The following SENP6 variants were observed in gnomAD, a reference collection of about 807,000 sequenced individuals.
The protein encoded by SENP6 is sentrin-specific protease 6.
A neutral mutation model predicts 134.5 loss-of-function variants in SENP6; 41 were observed. The observed-to-expected ratio is 0.30, with a 90% CI of 0.24 to 0.40. SENP6 has a LOEUF of 0.40. SENP6 is among the 10% of genes least tolerant of loss of function. The pLI, the probability that SENP6 is intolerant of heterozygous loss-of-function variation, is 1.00. For missense variants in SENP6, 1,248 were observed against 1,312.5 expected (o/e 0.95, Z 0.76); for synonymous variants, 395 against 429.8 (o/e 0.92, Z 1.00).
chr6:75,602,628 G>A (rs891440617), intron 1 of SENP6, 52 bp downstream of exon 1: 8 of 1,530,006 alleles, frequency 5.2e-6, no homozygotes, highest in Non-Finnish European at 7.1e-6. Context: ...ACTGGAAAAC[G>A]TGGCCCCCAG....
intron 3 of SENP6, among the ~76,000 whole-genome samples, chr6:75,626,227 A>G (rs980794986): frequency 3.9e-5 from 6 of 151,918 alleles, no homozygotes; most frequent in Non-Finnish European, 7.4e-5. Flanking sequence ...GGATGGTTTC[A>G]GCATCATATC....
chr6:75,710,563 T>C lies in SENP6; in HGVS notation c.2821-765T>C, dbSNP rs564560553. On this transcript the variant is annotated intron_variant, in intron 20 of 23. Transcript: ENST00000447266. ...TTTTAAGATATCTCTTGGTTTACAATGTATGGCAACTAAATATAGCTTTTC... is the reference window on the plus strand; with the variant it reads ...TTTTAAGATATCTCTTGGTTTACAACGTATGGCAACTAAATATAGCTTTTC... 6.6e-5 allele frequency among the ~76,000 whole-genome samples: 10 copies of C among 152,338 alleles called. No individual in the cohort carries two copies. In the South Asian group the frequency reaches 2.1e-3, roughly 32 times the overall value.
At chr6:75,637,972 G>A (rs920647481) in intron 5 of SENP6, among the ~76,000 whole-genome samples, 2 of 152,076 alleles carry the variant, frequency 1.3e-5, no homozygotes, top group Non-Finnish European at 2.9e-5. Flanking sequence ...GCAATTCTCA[G>A]CCTCCTGAGT....
intron 16 of SENP6, among the ~76,000 whole-genome samples, chr6:75,687,494 T>G (rs974651657): frequency 1.3e-5 from 2 of 152,258 alleles, no homozygotes; most frequent in African/African-American, 4.8e-5. Flanking sequence ...ATTTTTAGAA[T>G]TTTCAGCTTT....
At chr6:75,630,287 C>G (rs954614054) in intron 3 of SENP6, among the ~76,000 whole-genome samples, 8 of 152,078 alleles carry the variant, frequency 5.3e-5, no homozygotes, top group Non-Finnish European at 1.2e-4. Context: ...TCAGGCTGGT[C>G]TCAAACTCCT....
intron 8 of SENP6, among the ~76,000 whole-genome samples, chr6:75,660,356 A>G (rs1562017562): frequency 1.3e-5 from 2 of 152,208 alleles, no homozygotes; most frequent in African/African-American, 2.4e-5. Context: ...CATTAATAAG[A>G]TTTCTAACAT....
chr6:75,695,681 G>A, intron 16 of SENP6, 123 bp from the exon 17 acceptor site: 1 of 615,120 alleles, frequency 1.6e-6, no homozygotes, highest in Non-Finnish European at 2.6e-6. Context: ...AGGTTGCAGT[G>A]AGTTGAGATC....
chr6:75,641,741 G>A (rs1344664617), intron 6 of SENP6, among the ~76,000 whole-genome samples: 1 of 152,056 alleles, frequency 6.6e-6, no homozygotes, highest in African/African-American at 2.4e-5. Flanking sequence ...ACTTTGGGAG[G>A]GCAAAGCGGG....
chr6:75,701,217 C>T (rs577136129), intron 18 of SENP6, among the ~76,000 whole-genome samples: 2 of 152,312 alleles, frequency 1.3e-5, no homozygotes, highest in South Asian at 4.1e-4. Context: ...TTGTGCTTGA[C>T]CAATAAGCTC....
intron 7 of SENP6, among the ~76,000 whole-genome samples, chr6:75,654,284 A>G (rs973748579): frequency 1.3e-5 from 2 of 152,220 alleles, no homozygotes; most frequent in Non-Finnish European, 2.9e-5. Context: ...AATCACTGGA[A>G]TTTGACATAC....
At chr6:75,700,659 A>ACT (rs1329180096) in intron 18 of SENP6, among the ~76,000 whole-genome samples, 1 of 151,804 alleles carries the variant, frequency 6.6e-6, no homozygotes, top group Non-Finnish European at 1.5e-5. Flanking sequence ...CCCAGCTAAT[A>ACT]TTTTGTGTTT....
intron 15 of SENP6, 44 bp downstream of exon 15, chr6:75,678,736 C>G: frequency 7.2e-7 from 1 of 1,390,324 alleles, no homozygotes; most frequent in Non-Finnish European, 1.0e-6. Context: ...AAATGTCTTT[C>G]TCTGTTTTAT....
At chr6:75,699,970 G>A (rs1424951089) in intron 18 of SENP6, among the ~76,000 whole-genome samples, 2 of 152,056 alleles carry the variant, frequency 1.3e-5, no homozygotes, top group African/African-American at 4.8e-5. Context: ...GAGTACAGTG[G>A]TGCAATCATA....
At chr6:75,668,328 C>A (rs1273075340) in intron 10 of SENP6, among the ~76,000 whole-genome samples, 3 of 151,962 alleles carry the variant, frequency 2.0e-5, no homozygotes, top group Non-Finnish European at 4.4e-5. Context: ...AAAAGTAGAA[C>A]AGTGTAGCAA....
At chr6:75,616,145 A>G (rs2149824306) in intron 1 of SENP6, among the ~76,000 whole-genome samples, 1 of 152,086 alleles carries the variant, frequency 6.6e-6, no homozygotes. Context: ...TAGGTGTTTA[A>G]TTTGTGATAT....
At chr6:75,710,750 C>T (rs182481397) in intron 20 of SENP6, among the ~76,000 whole-genome samples, 29 of 152,224 alleles carry the variant, frequency 1.9e-4, no homozygotes, top group African/African-American at 6.5e-4. Context: ...CAGAAGCTTT[C>T]TCAAAGAACA....
At chr6:75,645,384 G>A (rs1159005802) in intron 6 of SENP6, among the ~76,000 whole-genome samples, 2 of 152,222 alleles carry the variant, frequency 1.3e-5, no homozygotes, top group East Asian at 3.8e-4. Context: ...GGGAGGCCGA[G>A]GCAGGCAGAT....
At chr6:75,625,994 C>A (rs1409907508) in intron 3 of SENP6, among the ~76,000 whole-genome samples, 2 of 151,970 alleles carry the variant, frequency 1.3e-5, no homozygotes, top group African/African-American at 4.8e-5. Flanking sequence ...ATTTTGTTTC[C>A]TTGTTTTTGA....
rs1192062497 is a variant in SENP6 at position 75,718,160 on chromosome 6, TC to T, written c.*2567del. On this transcript the variant is annotated 3_prime_UTR_variant, in exon 24 of 24. Transcript: ENST00000447266. ...GTAATTTTTCTTTAAAAAAATGATC[TC>T]TGAAAACTGTGAGACAATGTAAAAA... 2 of 152,158 alleles carry T rather than the reference TC, an allele frequency of 1.3e-5. No individual in the cohort carries two copies. Among genetic ancestry groups the T allele is most frequent in the African/African-American group, 4.8e-5 (2 of 41,436 alleles). The allele number at this position is 152,158 out of a possible 1,614,324, so 9.4% of individuals were successfully genotyped here. A position where few individuals can be genotyped will look rare whatever the true frequency, so the allele number is the denominator to read the frequency against.
Sources: allele counts gnomAD v4.1 joint callset (sites outside exome capture counted in the v4.1 genomes callset), GRCh38; gene constraint gnomAD v4.1.1; transcripts MANE v1.5; gene names NCBI Gene and HGNC (gene_info 2026-07-23, HGNC 2026-07-21).